CDK14: variants seen among roughly 807,000 people sequenced by gnomAD.
CDK14 encodes cyclin dependent kinase 14.
In CDK14, 34 loss-of-function variants were observed where a neutral mutation model predicts 60.7. The ratio of observed to expected loss-of-function variants is 0.56; its 90% confidence interval spans 0.43 to 0.75. CDK14 has a LOEUF of 0.75. Ranked by LOEUF, CDK14 falls within the 30% of genes least tolerant of loss-of-function variation. CDK14 has a pLI of 0.00. For synonymous variants in CDK14, 197 were observed against 203.7 expected, an observed-to-expected ratio of 0.97 and a Z score of 0.28; for missense variants, 482 against 564.1, an observed-to-expected ratio of 0.85 and a Z score of 1.47.
intron 6 of CDK14, among the ~76,000 whole-genome samples, chr7:90,871,591 C>A (rs1791374678): frequency 6.6e-6 from 1 of 152,154 alleles, no homozygotes; most frequent in African/African-American, 2.4e-5. Context: ...ATGTTCACTT[C>A]TTTGAAATAT....
intron 8 of CDK14, among the ~76,000 whole-genome samples, chr7:90,926,247 A>G (rs1251455187): frequency 6.6e-6 from 1 of 152,120 alleles, no homozygotes; most frequent in African/African-American, 2.4e-5. Context: ...TCACCTGATC[A>G]CTGGGATCCT....
At chr7:90,774,737 T>C (rs544149294) in intron 4 of CDK14, among the ~76,000 whole-genome samples, 7 of 152,332 alleles carry the variant, frequency 4.6e-5, no homozygotes, top group Admixed American at 6.5e-5. Flanking sequence ...TCGCTTAAAA[T>C]TGTGGTTATA....
intron 11 of CDK14, among the ~76,000 whole-genome samples, chr7:91,060,851 C>T (rs892422122): frequency 2.6e-4 from 39 of 152,132 alleles, no homozygotes; most frequent in African/African-American, 9.2e-4. Flanking sequence ...TTCATTTTAA[C>T]TTTTGTGAAT....
intron 5 of CDK14, 62 bp from the exon 6 acceptor site, chr7:90,863,113 T>A: frequency 2.5e-6 from 2 of 814,918 alleles, no homozygotes; most frequent in Non-Finnish European, 4.0e-6. Flanking sequence ...AAAATTATAA[T>A]GGTATATATT....
Position 91,019,294 on chromosome 7 carries a change from T to C in CDK14, c.1042-26603T>C, listed in dbSNP as rs1057454828. On this transcript the variant is annotated intron_variant, in intron 10 of 14. Transcript: ENST00000380050. ...CAGCTCCATTCAACTAATGGCTTCCTGGGACTACTTCTTTCATGTCTGTAA... is the reference window on the plus strand; with the variant it reads ...CAGCTCCATTCAACTAATGGCTTCCCGGGACTACTTCTTTCATGTCTGTAA... 3.3e-5 allele frequency among the ~76,000 whole-genome samples: 5 copies of C among 152,202 alleles called. No homozygotes were observed. In the East Asian group the frequency reaches 9.6e-4, roughly 29 times the overall value.
chr7:90,657,982 T>A (rs975275237), intron 2 of CDK14, among the ~76,000 whole-genome samples: 1 of 152,196 alleles, frequency 6.6e-6, no homozygotes, highest in Non-Finnish European at 1.5e-5. Context: ...AACTGTAGGA[T>A]CAATTATTAT....
intron 8 of CDK14, among the ~76,000 whole-genome samples, chr7:90,954,618 C>CTTTTTTTTTTTT (rs1190916427): frequency 1.1e-4 from 3 of 27,066 alleles, no homozygotes; most frequent in Non-Finnish European, 1.8e-4. Context: ...AAACTTTTTT[C>CTTTTTTTTTTTT]TTTTTTTTTT....
intron 6 of CDK14, among the ~76,000 whole-genome samples, 194 bp downstream of exon 6, chr7:90,863,463 C>T (rs1377352994): frequency 4.6e-5 from 7 of 151,886 alleles, no homozygotes; most frequent in Non-Finnish European, 7.4e-5. Context: ...AAAGAAAAAC[C>T]CAGAAAAATG....
chr7:91,160,972 T>C (rs1801153075), intron 14 of CDK14, among the ~76,000 whole-genome samples: 1 of 152,230 alleles, frequency 6.6e-6, no homozygotes, highest in Non-Finnish European at 1.5e-5. Flanking sequence ...AAATAAATTA[T>C]TGACTCTCTC....
chr7:91,007,590 A>T (rs1241485935), intron 10 of CDK14, among the ~76,000 whole-genome samples: 1 of 152,142 alleles, frequency 6.6e-6, no homozygotes, highest in Non-Finnish European at 1.5e-5. Flanking sequence ...AAGCAAATCC[A>T]CCCCAGCTAC....
intron 5 of CDK14, among the ~76,000 whole-genome samples, chr7:90,807,974 C>A (rs1429272667): frequency 6.6e-6 from 1 of 152,044 alleles, no homozygotes; most frequent in Non-Finnish European, 1.5e-5. Context: ...GTGAAAAGAC[C>A]AAATCTACGT....
intron 10 of CDK14, among the ~76,000 whole-genome samples, chr7:91,011,329 T>C (rs1443414789): frequency 2.6e-5 from 4 of 152,134 alleles, no homozygotes; most frequent in Non-Finnish European, 5.9e-5. Flanking sequence ...GTGTCCATTC[T>C]GTGCTGGCTA....
intron 4 of CDK14, among the ~76,000 whole-genome samples, chr7:90,753,425 A>G (rs890730105): frequency 2.5e-4 from 38 of 152,198 alleles, no homozygotes; most frequent in Non-Finnish European, 5.6e-4. Context: ...AGGCTTTGAT[A>G]AAATCCAACA....
chr7:90,635,742 G>A (rs1039441800), intron 2 of CDK14, among the ~76,000 whole-genome samples: 8 of 151,996 alleles, frequency 5.3e-5, no homozygotes, highest in African/African-American at 1.5e-4. Context: ...CCGTTTTCAC[G>A]ATATTGATTC....
intron 10 of CDK14, among the ~76,000 whole-genome samples, chr7:91,041,939 A>G (rs1264278734): frequency 6.6e-6 from 1 of 152,192 alleles, no homozygotes; most frequent in Non-Finnish European, 1.5e-5. Flanking sequence ...GATCAACATC[A>G]TCCACTCTGA....
intron 10 of CDK14, among the ~76,000 whole-genome samples, chr7:91,003,770 C>T (rs1795905656): frequency 1.3e-5 from 2 of 152,150 alleles, no homozygotes; most frequent in South Asian, 2.1e-4. Context: ...AATGTAACCT[C>T]TAGCTGGGTC....
At chr7:91,167,589 C>G (rs1801385048) in intron 14 of CDK14, among the ~76,000 whole-genome samples, 1 of 152,174 alleles carries the variant, frequency 6.6e-6, no homozygotes, top group Admixed American at 6.5e-5. Context: ...GAGTTATTTC[C>G]TGGGTGACTA....
chr7:91,013,656 G>GTTTTTTTTTTTTTTTTTTTTTTTT (rs56934476), intron 10 of CDK14, among the ~76,000 whole-genome samples: 24 of 123,378 alleles, frequency 1.9e-4, no homozygotes, highest in Non-Finnish European at 3.3e-4. Context: ...CATTGCCTCT[G>GTTTTTTTTTTTTTTTTTTTTTTTT]TTTTTTTTTT....
intron 2 of CDK14, among the ~76,000 whole-genome samples, chr7:90,717,464 A>G (rs1156971798): frequency 1.4e-4 from 22 of 152,142 alleles, no homozygotes; most frequent in Admixed American, 1.4e-3. Flanking sequence ...TCACTGAAGC[A>G]GCATAAAGGA....
Sources: allele counts gnomAD v4.1 joint callset (sites outside exome capture counted in the v4.1 genomes callset), GRCh38; gene constraint gnomAD v4.1.1; transcripts MANE v1.5; gene names NCBI Gene and HGNC (gene_info 2026-07-23, HGNC 2026-07-21).